The following DCAF6 variants were observed in gnomAD, a reference collection of about 807,000 sequenced individuals.
The protein encoded by DCAF6 is DDB1- and CUL4-associated factor 6.
In DCAF6, 54 loss-of-function variants were observed where a neutral mutation model predicts 125.1. The observed-to-expected ratio is 0.43, with a 90% CI of 0.35 to 0.54. The LOEUF (loss-of-function observed/expected upper bound fraction) is 0.54. Ranked by LOEUF, DCAF6 falls within the 20% of genes least tolerant of loss-of-function variation. The pLI is 0.01. For synonymous variants in DCAF6, 371 were observed against 390.4 expected, an observed-to-expected ratio of 0.95 and a Z score of 0.58; for missense variants, 934 against 1,161.7, an observed-to-expected ratio of 0.80 and a Z score of 2.85.
At chr1:167,979,241 CAAAA>C (rs2102925848) in intron 4 of DCAF6, among the ~76,000 whole-genome samples, 1 of 151,904 alleles carries the variant, frequency 6.6e-6, no homozygotes, top group Non-Finnish European at 1.5e-5. Flanking sequence ...AGCACACAAA[CAAAA>C]GAAAGACCAT....
intron 12 of DCAF6, among the ~76,000 whole-genome samples, chr1:168,024,220 TA>T (rs374506657): frequency 0.055 from 6,849 of 124,660 alleles, 428 homozygotes; most frequent in African/African-American, 0.16. Context: ...CCCATCTCTT[TA>T]AAAAAAAAAA....
At chr1:167,868,931 G>A in the DCAF6 span, among the ~76,000 whole-genome samples, 3 of 152,176 alleles carry the variant, frequency 2.0e-5, no homozygotes, top group East Asian at 1.9e-4. Context: ...ATTCTGGCCC[G>A]GCAAGAAACT....
chr1:168,061,414 G>A (rs959839633), intron 17 of DCAF6, among the ~76,000 whole-genome samples: 3 of 152,094 alleles, frequency 2.0e-5, no homozygotes, highest in African/African-American at 7.2e-5. Flanking sequence ...ACAATTTAAT[G>A]TCCATCTTTC....
At chr1:168,032,487 G>A (rs565947432) in intron 12 of DCAF6, among the ~76,000 whole-genome samples, 9 of 152,312 alleles carry the variant, frequency 5.9e-5, no homozygotes, top group African/African-American at 1.9e-4. Context: ...TTTAAAAACT[G>A]TGGTTGAGAA....
chr1:167,926,801 A>G, the DCAF6 span, among the ~76,000 whole-genome samples: 1 of 152,190 alleles, frequency 6.6e-6, no homozygotes, highest in African/African-American at 2.4e-5. Context: ...ATGGCTCTTC[A>G]GTTCATGCTG....
intron 3 of DCAF6, among the ~76,000 whole-genome samples, chr1:167,967,812 C>A (rs1676663674): frequency 6.8e-6 from 1 of 147,732 alleles, no homozygotes; most frequent in Non-Finnish European, 1.5e-5. Flanking sequence ...CTTACTGCAA[C>A]CTCTGCCTCC....
chr1:168,034,487 T>G (rs1198334947), intron 12 of DCAF6, among the ~76,000 whole-genome samples: 1 of 152,162 alleles, frequency 6.6e-6, no homozygotes, highest in Non-Finnish European at 1.5e-5. Context: ...CTACCGTGGG[T>G]GATAGAGCAA....
chr1:167,929,650 ACT>A, the DCAF6 span, among the ~76,000 whole-genome samples: 2 of 152,240 alleles, frequency 1.3e-5, no homozygotes, highest in African/African-American at 4.8e-5. Flanking sequence ...GAGAGAAATT[ACT>A]GTTAATAAAA....
the DCAF6 span, among the ~76,000 whole-genome samples, chr1:167,882,314 A>G: frequency 1.3e-5 from 2 of 151,944 alleles, no homozygotes; most frequent in East Asian, 3.9e-4. Context: ...GCGAAACCTC[A>G]TCTCTACTAA....
chr1:167,920,560 A>T, the DCAF6 span: 7 of 1,613,956 alleles, frequency 4.3e-6, no homozygotes, highest in South Asian at 7.7e-5. Flanking sequence ...TAGCCATCAA[A>T]ACAGCAGATT....
chr1:168,020,857 C>T (rs1685581846), intron 11 of DCAF6, among the ~76,000 whole-genome samples: 1 of 151,940 alleles, frequency 6.6e-6, no homozygotes, highest in East Asian at 1.9e-4. Context: ...GAAAATAATC[C>T]TTCCCAAAGG....
intron 17 of DCAF6, among the ~76,000 whole-genome samples, chr1:168,055,677 A>G (rs1463616486): frequency 9.3e-6 from 1 of 107,372 alleles, no homozygotes; most frequent in Non-Finnish European, 1.7e-5. Context: ...ACTAGAGCCT[A>G]GTCTAAAAAT....
At position 167,936,705 on chromosome 1, in the gene DCAF6, A is replaced by G; in HGVS notation, c.-207A>G. ...TTTGGATGTTCTGGTTAGTCTAAGA[A>G]GGAGAGTATGAGGCGAGCTCCGGCC... is the stretch of plus-strand genomic sequence containing the variant. On this transcript the variant is annotated 5_prime_UTR_variant, in exon 1 of 22. Coordinates refer to ENST00000367840, the MANE Select transcript of DCAF6 (RefSeq NM_001198956.2). The G allele has an allele frequency of 1.8e-6, 1 of 571,030 alleles. No homozygotes were observed. Among genetic ancestry groups the G allele is most frequent in the Non-Finnish European group, 3.1e-6 (1 of 320,388 alleles). 35.4% of individuals were successfully genotyped at this position (571,030 alleles called of 1,614,324 possible). A position where few individuals can be genotyped will look rare whatever the true frequency, so the allele number is the denominator to read the frequency against.
chr1:168,016,060 T>G (rs1684931012), intron 11 of DCAF6, 109 bp downstream of exon 11: 1 of 968,450 alleles, frequency 1.0e-6, no homozygotes, highest in African/African-American at 1.8e-5. Flanking sequence ...CTAATGCGCT[T>G]GCAGCTTACC....
At chr1:168,029,406 A>G (rs1557999576) in intron 12 of DCAF6, among the ~76,000 whole-genome samples, 2 of 152,186 alleles carry the variant, frequency 1.3e-5, no homozygotes, top group Non-Finnish European at 2.9e-5. Flanking sequence ...TTCAACTGAT[A>G]CGTAAATGCC....
chr1:167,870,340 G>A, the DCAF6 span: 324,378 of 1,613,342 alleles, frequency 0.2, 34,505 homozygotes, highest in Admixed American at 0.27. Flanking sequence ...CATACATTAA[G>A]ACTTGGCTGC....
intron 1 of DCAF6, among the ~76,000 whole-genome samples, chr1:167,946,843 TTTTGTGTCCTTCTTTGG>T (rs1187109542): frequency 6.6e-6 from 1 of 152,178 alleles, no homozygotes; most frequent in Admixed American, 6.5e-5. Flanking sequence ...GTATCCTTTG[TTTTGTGTCCTTCTTTGG>T]TTTTGTTATC....
At chr1:168,035,247 A>G (rs1266214218) in intron 12 of DCAF6, among the ~76,000 whole-genome samples, 3 of 152,180 alleles carry the variant, frequency 2.0e-5, no homozygotes, top group African/African-American at 7.2e-5. Context: ...GGAGTTAAAG[A>G]CCAGCCTGGG....
the DCAF6 span, among the ~76,000 whole-genome samples, chr1:167,874,218 C>A: frequency 6.6e-6 from 1 of 152,094 alleles, no homozygotes; most frequent in Non-Finnish European, 1.5e-5. Flanking sequence ...GTAATCCCAG[C>A]TACTCAGGAG....
Sources: gnomAD v4.1 joint callset for allele counts (sites outside exome capture counted in the v4.1 genomes callset) on GRCh38, gnomAD v4.1.1 for gene constraint, MANE v1.5 for transcripts, NCBI Gene and HGNC (gene_info 2026-07-23, HGNC 2026-07-21) for gene names.